Variants in SV2C observed in about 807,000 individuals in gnomAD.
The protein encoded by SV2C is synaptic vesicle glycoprotein 2C, also known as solute carrier family 22 member B3.
SV2C carries 49 observed loss-of-function variants against 79.7 expected under a neutral mutation model. The ratio of observed to expected loss-of-function variants is 0.61; its 90% confidence interval spans 0.49 to 0.78. The LOEUF is 0.78. Ranked by LOEUF, SV2C falls within the 30% of genes least tolerant of loss-of-function variation. The probability of loss-of-function intolerance (pLI) is 0.00; values close to 1 mark genes in which losing one functional copy is unlikely to be tolerated. For missense variants in SV2C, 833 were observed against 912.9 expected (o/e 0.91, Z 1.13); for synonymous variants, 334 against 333.2 (o/e 1.00, Z -0.03).
At chr5:76,267,777 A>G (rs544814706) in intron 4 of SV2C, among the ~76,000 whole-genome samples, 147 of 152,350 alleles carry the variant, frequency 9.6e-4, no homozygotes, top group African/African-American at 3.2e-3. Context: ...GGCAGACAAC[A>G]GGGGTGAGGA....
At chr5:76,347,815 C>G (rs1438891811) in intron 12 of SV2C, among the ~76,000 whole-genome samples, 1 of 152,124 alleles carries the variant, frequency 6.6e-6, no homozygotes, top group Non-Finnish European at 1.5e-5. Context: ...GCAGAGGGTA[C>G]AGAGAGTTCC....
intron 3 of SV2C, among the ~76,000 whole-genome samples, chr5:76,198,069 G>A (rs914912443): frequency 7.9e-5 from 12 of 152,104 alleles, no homozygotes; most frequent in Non-Finnish European, 1.6e-4. Flanking sequence ...GTTCACAACC[G>A]ATTGGATGGT....
chr5:76,312,651 GCA>G (rs1476932458), intron 12 of SV2C, among the ~76,000 whole-genome samples: 2 of 152,320 alleles, frequency 1.3e-5, no homozygotes, highest in East Asian at 3.9e-4. Flanking sequence ...CTGCAACTCT[GCA>G]CAGACTCCCA....
Position 76,295,930 on chromosome 5 carries a change from A to G in SV2C, c.1490A>G (p.Tyr497Cys), listed in dbSNP as rs753169887. 1.3e-6 allele frequency: 2 copies of G among 1,598,808 alleles called. No homozygotes were observed. Among genetic ancestry groups the G allele is most frequent in the Non-Finnish European group, 1.7e-6 (2 of 1,173,130 alleles). ...AATCAGATTCATACTGGAATGGAATACGACAATGGCAGGTCTAGAAACTTG... is the reference window on the plus strand; with the variant it reads ...AATCAGATTCATACTGGAATGGAATGCGACAATGGCAGGTCTAGAAACTTG... The part of the protein sequence containing the change: ...MENQIHTGME[Y>C]DNGRFIGVKF... Residue 497 changes from tyrosine (Y) to cysteine (C), a missense_variant, in exon 9 of 13, where the codon TAC (tyrosine) becomes TGC (cysteine). Transcript: ENST00000502798.
chr5:76,008,460 C>T, the SV2C span, among the ~76,000 whole-genome samples: 2 of 151,912 alleles, frequency 1.3e-5, no homozygotes, highest in Admixed American at 1.3e-4. Flanking sequence ...ACCATTTTTT[C>T]CTCGCAACGA....
At chr5:76,044,296 T>C in the SV2C span, among the ~76,000 whole-genome samples, 79 of 152,358 alleles carry the variant, frequency 5.2e-4, 1 homozygote, top group East Asian at 0.014. Context: ...ACGTTTTCTT[T>C]AGTCAGTCTA....
intron 2 of SV2C, among the ~76,000 whole-genome samples, chr5:76,163,820 AAGG>A (rs1392265170): frequency 6.6e-6 from 1 of 152,190 alleles, no homozygotes; most frequent in Non-Finnish European, 1.5e-5. Context: ...ATGTCCTCAG[AAGG>A]AGAAGCTTTT....
At chr5:76,014,370 C>A in the SV2C span, among the ~76,000 whole-genome samples, 2 of 151,920 alleles carry the variant, frequency 1.3e-5, no homozygotes, top group Admixed American at 6.6e-5. Context: ...AGCCCCACTG[C>A]AAAATTTCAA....
the SV2C span, among the ~76,000 whole-genome samples, chr5:76,003,161 A>G: frequency 1.1e-4 from 17 of 152,164 alleles, no homozygotes; most frequent in Non-Finnish European, 2.2e-4. Context: ...TTCTGCCATT[A>G]TTGTAGGTTT....
upstream of SV2C, chr5:76,083,289 G>C (rs1015149144): frequency 6.6e-6 from 1 of 152,650 alleles, no homozygotes; most frequent in African/African-American, 2.4e-5. Context: ...ACCAGGGGGA[G>C]GAGGCAGGCG....
At chr5:76,271,452 A>G (rs1746851268) in intron 4 of SV2C, among the ~76,000 whole-genome samples, 1 of 152,228 alleles carries the variant, frequency 6.6e-6, no homozygotes, top group South Asian at 2.1e-4. Context: ...TTTGAACAAC[A>G]CAATCAACAA....
At chr5:76,197,703 C>T (rs114079644) in intron 3 of SV2C, among the ~76,000 whole-genome samples, 2 of 5,034 alleles carry the variant, frequency 4.0e-4, no homozygotes, top group African/African-American at 2.8e-3. Context: ...AATAGATAGA[C>T]AGGCAGATAG....
chr5:76,231,819 T>G (rs1028350943), intron 4 of SV2C, among the ~76,000 whole-genome samples: 3 of 146,560 alleles, frequency 2.0e-5, no homozygotes, highest in Middle Eastern at 3.4e-3. Flanking sequence ...TGCCACATTT[T>G]CTTAATCCAG....
At position 76,195,038 on chromosome 5, in the gene SV2C, C is replaced by T. The variant is rs1270604954; in HGVS notation, c.700C>T (p.Leu234Phe). 3.7e-6 allele frequency: 6 copies of T among 1,613,982 alleles called. No individual in the cohort carries two copies. The highest frequency in any genetic ancestry group is 1.7e-5 in the Admixed American group (1 of 59,994). ...GTCTGTCAACGGATTCTTTGCCTTC[C>T]TTTCTTCATTTGTCCAAGGTTATGG... ...CMSVNGFFAFLSSFVQGYGFF... is the reference protein window; with the variant it reads ...CMSVNGFFAFFSSFVQGYGFF... The change falls in exon 3 of 13, where the codon CTT (leucine) becomes TTT (phenylalanine). Residue 234 changes from leucine (L) to phenylalanine (F), a missense_variant. Leu to Phe is a conservative substitution (Grantham distance 22, BLOSUM62 0). Coordinates refer to ENST00000502798, the MANE Select transcript of SV2C (RefSeq NM_014979.4).
intron 7 of SV2C, 33 bp from the exon 8 acceptor site, chr5:76,291,735 G>T (rs1205371162): frequency 3.3e-6 from 5 of 1,520,838 alleles, no homozygotes; most frequent in Non-Finnish European, 4.5e-6. Context: ...CTAAGTAACT[G>T]CATGAGAAAA....
At chr5:76,100,310 A>C (rs1448619261) in intron 1 of SV2C, among the ~76,000 whole-genome samples, 2 of 152,198 alleles carry the variant, frequency 1.3e-5, no homozygotes, top group Admixed American at 6.5e-5. Flanking sequence ...CTACGTTTGA[A>C]TTAAATTATA....
chr5:76,082,622 ATCTCTCTC>A, upstream of SV2C, among the ~76,000 whole-genome samples: 1 of 94,146 alleles, frequency 1.1e-5, no homozygotes, highest in African/African-American at 4.3e-5. Flanking sequence ...CTCTCTCTCT[ATCTCTCTC>A]TCCACCCCCC....
rs1243696554 is a variant in SV2C, at chr5:76,299,015, A to C, written c.1636+88A>C. On this transcript the variant is annotated intron_variant, in intron 10 of 12. Coordinates refer to ENST00000502798, the MANE Select transcript of SV2C (RefSeq NM_014979.4). ...CATGTGATAATGTGGGCAGAGGCTT[A>C]TGCGGGAAGTGGATATTAAAGAATA... 9 of 1,416,018 alleles carry C rather than the reference A, an allele frequency of 6.4e-6. No individual in the cohort carries two copies. The East Asian group carries it at 1.6e-4, about 26-fold the overall frequency. 87.7% of individuals were successfully genotyped at this position (1,416,018 alleles called of 1,614,324 possible).
the SV2C span, among the ~76,000 whole-genome samples, chr5:76,017,298 G>A: frequency 6.6e-6 from 1 of 152,146 alleles, no homozygotes; most frequent in Admixed American, 6.5e-5. Flanking sequence ...TGTTGTTGTT[G>A]TTGTTTGAGA....
Sources: gnomAD v4.1 joint callset for allele counts (sites outside exome capture counted in the v4.1 genomes callset) on GRCh38, gnomAD v4.1.1 for gene constraint, MANE v1.5 for transcripts, NCBI Gene and HGNC (gene_info 2026-07-23, HGNC 2026-07-21) for gene names.